Variants in STAT5A observed in about 807,000 individuals in gnomAD.
The protein encoded by STAT5A is signal transducer and activator of transcription 5A, also known as epididymis secretory sperm binding protein.
A neutral mutation model predicts 100.2 loss-of-function variants in STAT5A; 26 were observed. That is an observed-to-expected ratio of 0.26 (90% confidence interval 0.19 to 0.36). STAT5A has a LOEUF of 0.36. Among genes scored for constraint, STAT5A ranks in the 10% least tolerant of loss-of-function variants. The pLI is 1.00. For missense variants in STAT5A, 634 were observed against 1,027.5 expected (o/e 0.62, Z 5.24); for synonymous variants, 330 against 424.3 (o/e 0.78, Z 2.73).
chr17:42,309,081 C>A lies in STAT5A; in HGVS notation c.2097C>A (p.Ile699=). The part of the protein sequence containing the change: ...KAVDGYVKPQ[I]KQVVPEFVNA... ...TTGATGGATATGTGAAACCACAGATCAAGCAAGTGGTCCCTGAGTAAGTGT... is the reference window on the plus strand; with the variant it reads ...TTGATGGATATGTGAAACCACAGATAAAGCAAGTGGTCCCTGAGTAAGTGT... Residue 699 remains isoleucine, a synonymous_variant, in exon 17 of 19, where the codon ATC becomes ATA. Transcript: ENST00000590949. The A allele has an allele frequency of 6.2e-7, 1 of 1,614,210 alleles. No individual in the cohort carries two copies. The highest frequency in any genetic ancestry group is 8.5e-7 in the Non-Finnish European group (1 of 1,180,024).
At position 42,306,335 on chromosome 17, in the gene STAT5A, G is replaced by C; in HGVS notation, c.1568G>C (p.Arg523Pro). The change falls in exon 13 of 19, where the codon CGG (arginine) becomes CCG (proline). Residue 523 changes from arginine (R) to proline (P), a missense_variant. By Grantham distance (103) the Arg-to-Pro change is moderately radical. Around this residue, in one of 5 missense-constraint regions of STAT5A, gnomAD observed 210 missense variants for 428.4 expected, o/e 0.49. Transcript: ENST00000590949. ...TTCAAGGCCGAAGTGCAGAGCAACC[G>C]GGGCCTGACCAAGGAGAACCTCGTG... ...MKFKAEVQSN[R>P]GLTKENLVFL... The C allele has an allele frequency of 1.2e-6, 2 of 1,614,074 alleles. No individual in the cohort carries two copies. Among genetic ancestry groups the C allele is most frequent in the African/African-American group, 2.7e-5 (2 of 75,008 alleles).
In STAT5A at chr17:42,292,005, C is replaced by A; in HGVS notation, c.319C>A (p.Arg107Ser). Residue 107 changes from arginine to serine, a missense_variant, in exon 4 of 19, where the codon CGC becomes AGC. Arg to Ser is a moderately radical substitution (Grantham distance 110). Transcript: ENST00000590949. ...TGACCGCTGCCCCCTGGAGCTGGTC[C>A]GCTGCATCCGGCACATTCTGTACAA... The part of the protein sequence containing the change: ...TYDRCPLELV[R>S]CIRHILYNEQ... 1.9e-6 allele frequency: 3 copies of A among 1,614,018 alleles called. No homozygotes were observed. Among genetic ancestry groups the A allele is most frequent in the Non-Finnish European group, 2.5e-6 (3 of 1,179,942 alleles).
chr17:42,293,163 C>A (rs979671596), intron 4 of STAT5A, among the ~76,000 whole-genome samples: 1 of 152,092 alleles, frequency 6.6e-6, no homozygotes, highest in Non-Finnish European at 1.5e-5. Context: ...GAACAGTGAC[C>A]GGAGCACAGG....
rs1598368164 is a variant in STAT5A at position 42,308,977 on chromosome 17, G to A, written c.2063-70G>A. 32 of 1,585,828 alleles carry A rather than the reference G, an allele frequency of 2.0e-5. 2 individuals carry two copies. In the South Asian group the frequency reaches 3.4e-4, roughly 17 times the overall value. On this transcript the variant is annotated intron_variant, in intron 16 of 18. Coordinates refer to ENST00000590949, the MANE Select transcript of STAT5A (RefSeq NM_001288718.2). The surrounding 1 kb of genome is among the most constrained non-coding windows in gnomAD (Gnocchi z 4.6). ...TGTGAGCAGGAGGGAGACTACATGG[G>A]GCGTGGGCTTCCACCCCACTTGGGA...
Position 42,304,648 on chromosome 17 carries a change from T to C in STAT5A, c.1376T>C (p.Val459Ala). 1 of 1,614,038 alleles carries C rather than the reference T, an allele frequency of 6.2e-7. No individual in the cohort carries two copies. The highest frequency in any genetic ancestry group is 8.5e-7 in the Non-Finnish European group (1 of 1,179,980). Residue 459 changes from valine to alanine, a missense_variant, in exon 11 of 19, where the codon GTG becomes GCG. By Grantham distance (64) the Val-to-Ala change is moderately conservative. Coordinates refer to ENST00000590949, the MANE Select transcript of STAT5A (RefSeq NM_001288718.2). The surrounding 1 kb of genome is among the most constrained non-coding windows in gnomAD (Gnocchi z 4.8). ...GGCAGCAATGAGCTTGTGTTCCAGG[T>C]GAAGGTGAGACCCCCAGCCCTCCTG... ...SVGSNELVFQ[V>A]KTLSLPVVVI...
intron 2 of STAT5A, 103 bp from the exon 3 acceptor site, chr17:42,289,763 T>A (rs2080852071): frequency 7.0e-7 from 1 of 1,422,784 alleles, no homozygotes; most frequent in Admixed American, 2.9e-5. Context: ...GGCCCTGGAG[T>A]GCCCTCGGTC....
intron 12 of STAT5A, 161 bp from the exon 13 acceptor site, chr17:42,306,080 C>T: frequency 7.8e-7 from 1 of 1,287,902 alleles, no homozygotes; most frequent in Non-Finnish European, 1.1e-6. Context: ...AAAGTGCAAG[C>T]TAGTATATAA....
intron 6 of STAT5A, 35 bp downstream of exon 6, chr17:42,299,916 T>C (rs1264243217): frequency 6.3e-7 from 1 of 1,586,148 alleles, no homozygotes; most frequent in Non-Finnish European, 8.6e-7. Flanking sequence ...TGGGCGTGGG[T>C]GCCATGAAGT....
intron 5 of STAT5A, among the ~76,000 whole-genome samples, chr17:42,296,676 C>T (rs567234226): frequency 3.9e-4 from 60 of 152,072 alleles, no homozygotes; most frequent in Non-Finnish European, 6.9e-4. Context: ...CTTGCTCTGT[C>T]GCCCAGGCTG....
intron 3 of STAT5A, among the ~76,000 whole-genome samples, chr17:42,291,029 A>T (rs1454023890): frequency 1.3e-5 from 2 of 151,920 alleles, no homozygotes; most frequent in Non-Finnish European, 2.9e-5. Context: ...TAATTATAGA[A>T]CTCACCACAA....
In STAT5A at chr17:42,310,811, T is replaced by C. The variant is rs904076161; in HGVS notation, c.*142T>C. 2.1e-5 allele frequency: 29 copies of C among 1,410,512 alleles called. No individual in the cohort carries two copies. Among genetic ancestry groups the C allele is most frequent in the Non-Finnish European group, 2.7e-5 (28 of 1,048,714 alleles). The allele number at this position is 1,410,512 out of a possible 1,614,324, so 87.4% of individuals were successfully genotyped here. On this transcript the variant is annotated 3_prime_UTR_variant, in exon 19 of 19. Coordinates refer to ENST00000590949, the MANE Select transcript of STAT5A (RefSeq NM_001288718.2). ...GTGTGTGTGTGTGTGTCCTTGTGCA[T>C]GAGCTACGCCTGCCTCCCCTGTGCA...
intron 4 of STAT5A, among the ~76,000 whole-genome samples, chr17:42,293,350 G>T (rs1190940366): frequency 6.6e-6 from 1 of 152,030 alleles, no homozygotes; most frequent in African/African-American, 2.4e-5. Flanking sequence ...GATTACAGGG[G>T]CCCACCACCA....
In STAT5A at chr17:42,304,501, C is replaced by G; in HGVS notation, c.1258-29C>G. ...GTCCTTGTAAGCAGCCGCCATCTCC[C>G]TGTTCCCCTGTCACCTCCCACCCTG... On this transcript the variant is annotated intron_variant, in intron 10 of 18. Transcript: ENST00000590949. This position sits in a 1 kb window ranked among gnomAD's most constrained non-coding sequence, Gnocchi z 4.8. 10 of 1,614,210 alleles carry G rather than the reference C, an allele frequency of 6.2e-6. No individual in the cohort carries two copies. In the South Asian group the frequency reaches 8.8e-5, roughly 14 times the overall value.
chr17:42,307,549 G>A, intron 14 of STAT5A, 44 bp from the exon 15 acceptor site: 1 of 1,614,092 alleles, frequency 6.2e-7, no homozygotes, highest in Non-Finnish European at 8.5e-7. Flanking sequence ...CAGAGAGACT[G>A]TGGCTGTGGC....
rs1252114272 is a variant in STAT5A, at chr17:42,289,537, A to G, written c.126A>G (p.Pro42=). The G allele has an allele frequency of 1.2e-6, 2 of 1,612,574 alleles. No homozygotes were observed. Among genetic ancestry groups the G allele is most frequent in the Non-Finnish European group, 1.7e-6 (2 of 1,179,564 alleles). The change falls in exon 2 of 19, where the codon CCA becomes CCG. Residue 42 remains proline, a splice_region_variant and synonymous_variant. Transcript: ENST00000590949. ...TGGCCCAGTGGATTGAGAGCCAGCC[A>G]TGGTAGGCACGTCCCGCCCTGCCCC... ...HYLAQWIESQ[P]WDAIDLDNPQ...
rs1046185810 is a variant in STAT5A at position 42,306,928 on chromosome 17, C to G, written c.1681-474C>G. On this transcript the variant is annotated intron_variant, in intron 13 of 18. Transcript: ENST00000590949. ...AGAGATGGGGTTTCACCATGTTGGT[C>G]AGGCTGGTCTCGAACTCCTGACCTC... Among the ~76,000 whole-genome samples the G allele has an allele frequency of 2.5e-4, 38 of 152,178 alleles. 3 individuals carry two copies. The highest frequency in any genetic ancestry group is 2.4e-3 in the Admixed American group (37 of 15,294).
rs375250756 is a variant in STAT5A at position 42,304,456 on chromosome 17, G to A, written c.1257+27G>A. ...TGAGGACGGGGCCCACCCTCGGAGG[G>A]CAGGTCTGCCCAGAGCTGAGTCCTT... On this transcript the variant is annotated intron_variant, in intron 10 of 18. Transcript: ENST00000590949. The surrounding 1 kb of genome is among the most constrained non-coding windows in gnomAD (Gnocchi z 4.8). 1.9e-6 allele frequency: 3 copies of A among 1,614,100 alleles called. No individual in the cohort carries two copies. Among genetic ancestry groups the A allele is most frequent in the African/African-American group, 1.3e-5 (1 of 74,946 alleles).
At position 42,307,499 on chromosome 17, in the gene STAT5A, A is replaced by G; in HGVS notation, c.1775+3A>G. On this transcript the variant is annotated splice_donor_region_variant and intron_variant, in intron 14 of 18. Transcript: ENST00000590949. The stretch of plus-strand genomic sequence containing the variant: ...CACAAGCCCCACTGGAATGATGGGT[A>G]AGGAACGGGGGCTGCAGGGTCAGGG... The G allele has an allele frequency of 6.2e-7, 1 of 1,614,078 alleles. No individual in the cohort carries two copies. Among genetic ancestry groups the G allele is most frequent in the Non-Finnish European group, 8.5e-7 (1 of 1,180,012 alleles).
In STAT5A at chr17:42,308,285, G is replaced by A; in HGVS notation, c.2014G>A (p.Asp672Asn). The part of the protein sequence containing the change: ...DLSYLIYVFP[D>N]RPKDEVFSKY... Reference sequence around the variant, plus strand: ...GAGCTATCTCATCTATGTGTTTCCTGACCGCCCCAAGGATGAGGTCTTCTC... The same window carrying A: ...GAGCTATCTCATCTATGTGTTTCCTAACCGCCCCAAGGATGAGGTCTTCTC... Residue 672 changes from aspartate to asparagine, a missense_variant, in exon 16 of 19, where the codon GAC becomes AAC. Transcript: ENST00000590949. This position sits in a 1 kb window ranked among gnomAD's most constrained non-coding sequence, Gnocchi z 4.6. 2 of 1,614,192 alleles carry A rather than the reference G, an allele frequency of 1.2e-6. No individual in the cohort carries two copies. The highest frequency in any genetic ancestry group is 1.7e-6 in the Non-Finnish European group (2 of 1,180,030).
Sources: allele counts gnomAD v4.1 joint callset (sites outside exome capture counted in the v4.1 genomes callset), GRCh38; gene constraint gnomAD v4.1.1; regional missense constraint gnomAD v4.1.1; non-coding constraint Gnocchi (gnomAD v3.1); transcripts MANE v1.5; gene names NCBI Gene and HGNC (gene_info 2026-07-23, HGNC 2026-07-21).